CADM2: variants seen among roughly 807,000 people sequenced by gnomAD.
CADM2 encodes immunoglobulin superfamily member 4D.
CADM2 carries 12 observed loss-of-function variants against 49.8 expected under a neutral mutation model. The ratio of observed to expected loss-of-function variants is 0.24; its 90% CI spans 0.15 to 0.39. The LOEUF (loss-of-function observed/expected upper bound fraction) is 0.39. Ranked by LOEUF, CADM2 falls within the 10% of genes least tolerant of loss-of-function variation. The pLI is 1.00. For synonymous variants in CADM2, 214 were observed against 175.4 expected, an observed-to-expected ratio of 1.22 and a Z score of -1.74; for missense variants, 378 against 492.3, an observed-to-expected ratio of 0.77 and a Z score of 2.20.
chr3:85,404,779 T>A (rs1484125055), intron 1 of CADM2, among the ~76,000 whole-genome samples: 1 of 152,148 alleles, frequency 6.6e-6, no homozygotes, highest in African/African-American at 2.4e-5. Flanking sequence ...ATGTAAAAAA[T>A]TTCCTGTCAG....
chr3:86,044,351 A>T (rs1044901499), intron 8 of CADM2, among the ~76,000 whole-genome samples: 19 of 152,218 alleles, frequency 1.2e-4, no homozygotes, highest in African/African-American at 4.3e-4. Flanking sequence ...CAATGAACTC[A>T]AACAAATTTA....
intron 1 of CADM2, among the ~76,000 whole-genome samples, chr3:85,386,179 T>C (rs2034218835): frequency 6.6e-6 from 1 of 152,178 alleles, no homozygotes; most frequent in African/African-American, 2.4e-5. Flanking sequence ...AGTGATTTCA[T>C]ACCTGTGTAT....
At chr3:85,699,280 T>G (rs1299888949) in intron 1 of CADM2, among the ~76,000 whole-genome samples, 1 of 152,132 alleles carries the variant, frequency 6.6e-6, no homozygotes, top group South Asian at 2.1e-4. Flanking sequence ...GGTACAGGGC[T>G]TACCACTCTA....
chr3:85,107,308 T>TA (rs1337478100), intron 1 of CADM2, among the ~76,000 whole-genome samples: 1 of 152,004 alleles, frequency 6.6e-6, no homozygotes, highest in Non-Finnish European at 1.5e-5. Flanking sequence ...GAAGAATGAG[T>TA]AAAGTACACA....
intron 3 of CADM2, among the ~76,000 whole-genome samples, chr3:85,809,042 A>C (rs1012044720): frequency 4.6e-5 from 7 of 152,170 alleles, no homozygotes; most frequent in African/African-American, 1.7e-4. Context: ...CAGGTGTTGC[A>C]TTTGGCTACT....
chr3:85,939,892 A>T (rs1721650822), intron 7 of CADM2, among the ~76,000 whole-genome samples: 1 of 150,392 alleles, frequency 6.6e-6, no homozygotes, highest in African/African-American at 2.5e-5. Flanking sequence ...CACATACTAT[A>T]TAGCAACTAG....
intron 3 of CADM2, among the ~76,000 whole-genome samples, chr3:85,813,955 T>C (rs2073045242): frequency 6.6e-6 from 1 of 152,162 alleles, no homozygotes; most frequent in African/African-American, 2.4e-5. Context: ...TGTAATATAG[T>C]TTGAAGTCAG....
At chr3:85,258,421 A>G (rs2042938160) in intron 1 of CADM2, among the ~76,000 whole-genome samples, 1 of 151,942 alleles carries the variant, frequency 6.6e-6, no homozygotes, top group South Asian at 2.1e-4. Flanking sequence ...GGCTGCCAAA[A>G]AGAGTCCAGT....
intron 1 of CADM2, among the ~76,000 whole-genome samples, chr3:85,057,756 T>C (rs1181008305): frequency 1.3e-5 from 2 of 152,152 alleles, no homozygotes; most frequent in Non-Finnish European, 2.9e-5. Context: ...TTGCTGCCAC[T>C]GATGCTTTCT....
chr3:85,240,051 C>T (rs1424228468), intron 1 of CADM2, among the ~76,000 whole-genome samples: 4 of 151,316 alleles, frequency 2.6e-5, no homozygotes, highest in African/African-American at 9.7e-5. Context: ...AGAAATTTTT[C>T]ATTGTCTTTC....
At position 86,006,063 on chromosome 3, in the gene CADM2, G is replaced by A. The variant is rs192593076; in HGVS notation, c.970+44416G>A. On this transcript the variant is annotated intron_variant, in intron 8 of 9. Transcript: ENST00000383699. The stretch of plus-strand genomic sequence containing the variant: ...ATGACTGGATCTCATTAGTTTTTAT[G>A]GCTGAATGGTACTCCATTGTGTATA... Among the ~76,000 whole-genome samples the A allele has an allele frequency of 2.5e-3, 387 of 152,166 alleles. 1 individual carries two copies. The highest frequency in any genetic ancestry group is 9.0e-3 in the African/African-American group (375 of 41,506).
intron 7 of CADM2, among the ~76,000 whole-genome samples, chr3:85,955,246 T>G (rs1299604146): frequency 6.6e-6 from 1 of 151,452 alleles, no homozygotes; most frequent in Non-Finnish European, 1.5e-5. Context: ...TTCATAGGAT[T>G]AATTTTAGTG....
chr3:85,893,355 T>A (rs1453322288), intron 5 of CADM2, among the ~76,000 whole-genome samples: 2 of 152,116 alleles, frequency 1.3e-5, no homozygotes, highest in Non-Finnish European at 2.9e-5. Flanking sequence ...TCAAGATGGA[T>A]TAAGGACTTA....
intron 8 of CADM2, chr3:86,012,599 C>T (rs188975044): frequency 1.3e-6 from 2 of 1,575,474 alleles, no homozygotes; most frequent in Non-Finnish European, 1.7e-6. Flanking sequence ...GCACGCGAAG[C>T]GCACGCAGTC....
chr3:86,050,564 G>A (rs1737213788), intron 8 of CADM2, among the ~76,000 whole-genome samples: 1 of 152,170 alleles, frequency 6.6e-6, no homozygotes, highest in African/African-American at 2.4e-5. Flanking sequence ...CTTCATTATG[G>A]CTTGGCCACT....
intron 1 of CADM2, among the ~76,000 whole-genome samples, chr3:85,104,444 C>G (rs2038133612): frequency 6.6e-6 from 1 of 152,100 alleles, no homozygotes; most frequent in Non-Finnish European, 1.5e-5. Flanking sequence ...TGTTTTGGTA[C>G]CAGTACCATG....
chr3:85,436,733 C>T (rs2036949492), intron 1 of CADM2, among the ~76,000 whole-genome samples: 1 of 152,030 alleles, frequency 6.6e-6, no homozygotes. Flanking sequence ...CAAAAATAAG[C>T]AGAAAGTGCT....
intron 1 of CADM2, among the ~76,000 whole-genome samples, chr3:85,014,228 G>C (rs780137786): frequency 6.7e-6 from 1 of 148,844 alleles, no homozygotes; most frequent in East Asian, 2.0e-4. Context: ...TCATATATAC[G>C]CAGTGTAATA....
chr3:85,603,872 ATCTTCATTT>A (rs2063483600), intron 1 of CADM2, among the ~76,000 whole-genome samples: 1 of 151,978 alleles, frequency 6.6e-6, no homozygotes, highest in African/African-American at 2.4e-5. Context: ...CTAACTTCTT[ATCTTCATTT>A]TTAATAAGGA....
Sources: allele counts gnomAD v4.1 joint callset (sites outside exome capture counted in the v4.1 genomes callset), GRCh38; gene constraint gnomAD v4.1.1; transcripts MANE v1.5; gene names NCBI Gene and HGNC (gene_info 2026-07-23, HGNC 2026-07-21).